DSE: variants seen among roughly 807,000 people sequenced by gnomAD.
The protein encoded by DSE is dermatan-sulfate epimerase.
In DSE, 36 loss-of-function variants were observed where a neutral mutation model predicts 84.4. That is an observed-to-expected ratio of 0.43 (90% CI 0.33 to 0.56). The LOEUF (loss-of-function observed/expected upper bound fraction) is 0.56. Among genes scored for constraint, DSE ranks in the 20% least tolerant of loss-of-function variants. DSE has a pLI of 0.06. For synonymous variants in DSE, 410 were observed against 430.1 expected, an observed-to-expected ratio of 0.95 and a Z score of 0.58; for missense variants, 862 against 1,169.6, an observed-to-expected ratio of 0.74 and a Z score of 3.84.
intron 2 of DSE, among the ~76,000 whole-genome samples, chr6:116,266,003 C>T (rs1772609035): frequency 6.6e-6 from 1 of 152,130 alleles, no homozygotes; most frequent in Non-Finnish European, 1.5e-5. Flanking sequence ...CCAGAGGCCG[C>T]GTGAGAGTAG....
intron 2 of DSE, among the ~76,000 whole-genome samples, chr6:116,295,021 G>A (rs76465387): frequency 6.6e-6 from 1 of 152,042 alleles, no homozygotes; most frequent in African/African-American, 2.4e-5. Context: ...GACTGCCCAC[G>A]GTGGGGTGGA....
At chr6:116,393,358 A>C (rs1781033971) in intron 1 of DSE, among the ~76,000 whole-genome samples, 1 of 152,232 alleles carries the variant, frequency 6.6e-6, no homozygotes, top group African/African-American at 2.4e-5. Context: ...ATTTCAACTA[A>C]GTCTCTAATA....
upstream of DSE, among the ~76,000 whole-genome samples, chr6:116,369,227 T>A (rs1322485949): frequency 1.3e-5 from 2 of 152,222 alleles, no homozygotes; most frequent in Non-Finnish European, 2.9e-5. Context: ...GATTCTAAAG[T>A]TCTAGGTTGG....
chr6:116,391,304 A>G (rs533864759), intron 1 of DSE, among the ~76,000 whole-genome samples: 73 of 152,284 alleles, frequency 4.8e-4, no homozygotes, highest in Middle Eastern at 3.4e-3. Flanking sequence ...GGTGGTGAAC[A>G]CCGTTATTAT....
chr6:116,375,404 T>C (rs1562264293), intron 1 of DSE: 1 of 283,490 alleles, frequency 3.5e-6, no homozygotes, highest in Non-Finnish European at 5.3e-6. Flanking sequence ...CTTGGGAGGC[T>C]GAGATGGGAG....
At chr6:116,391,088 T>C (rs973740670) in intron 1 of DSE, among the ~76,000 whole-genome samples, 9 of 152,304 alleles carry the variant, frequency 5.9e-5, no homozygotes, top group Admixed American at 1.3e-4. Flanking sequence ...TTAAACATAT[T>C]TTACATGAAT....
rs1773265684 is a variant in DSE, at chr6:116,278,372, G to A, written c.-54+19405G>A. On this transcript the variant is annotated intron_variant, in intron 2 of 3. Coordinates refer to the DSE transcript ENST00000430252. Reference sequence around the variant, plus strand: ...CACCGTCTCAATCTTGAGGTTGAGAGAACTGAATATCCAAAGGAAACAGGG... The same window carrying A: ...CACCGTCTCAATCTTGAGGTTGAGAAAACTGAATATCCAAAGGAAACAGGG... The A allele has an allele frequency of 3.0e-6, 3 of 1,015,188 alleles. No homozygotes were observed. In the South Asian group the frequency reaches 4.5e-5, roughly 15 times the overall value. The allele number at this position is 1,015,188 out of a possible 1,614,324, so 62.9% of individuals were successfully genotyped here.
intron 2 of DSE, among the ~76,000 whole-genome samples, chr6:116,302,447 T>G (rs1378457385): frequency 6.6e-6 from 1 of 152,244 alleles, no homozygotes; most frequent in East Asian, 1.9e-4. Context: ...TTGAGAAGTG[T>G]CTGTTCATAT....
At chr6:116,343,377 A>C (rs1457203774) in intron 2 of DSE, among the ~76,000 whole-genome samples, 1 of 152,222 alleles carries the variant, frequency 6.6e-6, no homozygotes, top group African/African-American at 2.4e-5. Context: ...CAAGTAGCCT[A>C]AATGGGAGAC....
At chr6:116,316,709 A>T (rs1775997082) in intron 2 of DSE, among the ~76,000 whole-genome samples, 2 of 152,118 alleles carry the variant, frequency 1.3e-5, no homozygotes, top group Non-Finnish European at 2.9e-5. Flanking sequence ...TGTGCTGTAG[A>T]TGACTTCCTT....
intron 2 of DSE, among the ~76,000 whole-genome samples, chr6:116,318,539 A>C (rs1226356538): frequency 6.6e-6 from 1 of 151,834 alleles, no homozygotes; most frequent in Non-Finnish European, 1.5e-5. Flanking sequence ...AAGACTGAAA[A>C]AGCAAAACTA....
intron 2 of DSE, among the ~76,000 whole-genome samples, chr6:116,294,084 C>G (rs1327577301): frequency 6.6e-6 from 1 of 152,014 alleles, no homozygotes; most frequent in East Asian, 1.9e-4. Context: ...AGTGCAGTGG[C>G]ATGATCACAG....
At chr6:116,434,831 T>C (rs114805969) in intron 5 of DSE, among the ~76,000 whole-genome samples, 183 of 152,320 alleles carry the variant, frequency 1.2e-3, no homozygotes, top group African/African-American at 4.2e-3. Context: ...AGGTGATTGA[T>C]TTACTTTAGG....
chr6:116,344,313 A>T (rs1777810100), intron 2 of DSE, among the ~76,000 whole-genome samples: 1 of 152,182 alleles, frequency 6.6e-6, no homozygotes, highest in African/African-American at 2.4e-5. Flanking sequence ...CTGAAGAGCA[A>T]CTCCAAGACA....
In DSE at chr6:116,399,194, G is replaced by C; in HGVS notation, c.-53-4G>C. 6.2e-7 allele frequency: 1 copy of C among 1,607,954 alleles called. No individual in the cohort carries two copies. Among genetic ancestry groups the C allele is most frequent in the Non-Finnish European group, 8.5e-7 (1 of 1,179,318 alleles). On this transcript the variant is annotated splice_region_variant and splice_polypyrimidine_tract_variant and intron_variant, in intron 1 of 5. Coordinates refer to ENST00000644252, the MANE Select transcript of DSE (RefSeq NM_013352.4). The stretch of plus-strand genomic sequence containing the variant: ...ACACTTTTTTTCCTTTTTATCTCAC[G>C]TAGGATCTTTCGAAGATGGTTTGGC...
rs1562205347 is a variant in DSE, at chr6:116,287,474, T to G, written c.-54+28507T>G. ...TTTAATTGGCAGTGTTTTTTCTCCT[T>G]GTCTTCCTTTCTTGGTGATACTTAA... is the stretch of plus-strand genomic sequence containing the variant. On this transcript the variant is annotated intron_variant, in intron 2 of 3. Coordinates refer to the DSE transcript ENST00000430252. 2.0e-5 allele frequency among the ~76,000 whole-genome samples: 3 copies of G among 152,214 alleles called. 1 individual carries two copies. The East Asian group carries it at 5.8e-4, about 29-fold the overall frequency.
intron 2 of DSE, among the ~76,000 whole-genome samples, chr6:116,347,490 A>C (rs1377452058): frequency 6.6e-6 from 1 of 152,208 alleles, no homozygotes; most frequent in Admixed American, 6.5e-5. Context: ...ATAATACCAC[A>C]CATCTACAAC....
In DSE at chr6:116,438,496, G is replaced by A. The variant is rs1457104424; in HGVS notation, c.*1151G>A. 6.6e-6 allele frequency: 1 copy of A among 151,996 alleles called. No individual in the cohort carries two copies. Among genetic ancestry groups the A allele is most frequent in the East Asian group, 1.9e-4 (1 of 5,188 alleles). The allele number at this position is 151,996 out of a possible 1,614,324, so 9.4% of individuals were successfully genotyped here. ...AATAGCCAATTCTGATATTTAAGTAGCACCCAACTTTTAAAAGCATAAAAT... is the reference window on the plus strand; with the variant it reads ...AATAGCCAATTCTGATATTTAAGTAACACCCAACTTTTAAAAGCATAAAAT... On this transcript the variant is annotated 3_prime_UTR_variant, in exon 6 of 6. Coordinates refer to ENST00000644252, the MANE Select transcript of DSE (RefSeq NM_013352.4).
At chr6:116,399,073 T>G (rs889823415) in intron 1 of DSE, 125 bp from the exon 2 acceptor site, 3 of 811,630 alleles carry the variant, frequency 3.7e-6, no homozygotes, top group Non-Finnish European at 5.6e-6. Context: ...TTTTTTGTTG[T>G]ATTTTTAAAA....
Sources: allele counts gnomAD v4.1 joint callset (sites outside exome capture counted in the v4.1 genomes callset), GRCh38; gene constraint gnomAD v4.1.1; transcripts MANE v1.5; gene names NCBI Gene and HGNC (gene_info 2026-07-23, HGNC 2026-07-21).